ESR1: variants seen among roughly 807,000 people sequenced by gnomAD.
ESR1 encodes estrogen receptor.
Under a neutral mutation model 52.7 loss-of-function variants are expected in ESR1, and 12 were observed. The observed-to-expected ratio is 0.23, with a 90% CI of 0.15 to 0.37. ESR1 has a LOEUF of 0.37. ESR1 is among the 10% of genes least tolerant of loss of function. The pLI, the probability that ESR1 is intolerant of heterozygous loss-of-function variation, is 1.00. For synonymous variants in ESR1, 305 were observed against 316.8 expected (o/e 0.96, Z 0.39); for missense variants, 584 against 779.7 (o/e 0.75, Z 2.99).
rs554320059 is a variant in ESR1, at chr6:152,116,519, G to A, written c.851-8747G>A. On this transcript the variant is annotated intron_variant, in intron 6 of 6. Transcript: ENST00000427531. ...AGGCCTAGAAAGGTAACATAAAAGC[G>A]GGAGATGATGTAGAGAGAGTAGATA... Among the ~76,000 whole-genome samples the A allele has an allele frequency of 2.6e-5, 4 of 152,246 alleles. No homozygotes were observed. The South Asian group carries it at 6.2e-4, about 24-fold the overall frequency.
chr6:151,759,558 G>A (rs1233577142), intron 2 of ESR1, among the ~76,000 whole-genome samples: 1 of 152,104 alleles, frequency 6.6e-6, no homozygotes, highest in African/African-American at 2.4e-5. Flanking sequence ...AATAATTAGA[G>A]GCTCTTTACT....
intron 3 of ESR1, among the ~76,000 whole-genome samples, chr6:151,919,517 A>T (rs867472222): frequency 1.3e-5 from 2 of 152,186 alleles, no homozygotes; most frequent in African/African-American, 4.8e-5. Flanking sequence ...ATTCACACAT[A>T]CATCTATCAT....
Position 151,831,214 on chromosome 6 carries a change from C to T in ESR1, c.453-11383C>T, listed in dbSNP as rs866290317. ...CTGGAGTGCAGTGGCACAGTCACAG[C>T]TCACTGCAGCCTTGACCTCCTGGGC... On this transcript the variant is annotated intron_variant, in intron 1 of 7. Transcript: ENST00000206249. 3.3e-5 allele frequency among the ~76,000 whole-genome samples: 5 copies of T among 151,448 alleles called. No individual in the cohort carries two copies. In the East Asian group the frequency reaches 9.7e-4, roughly 29 times the overall value.
At chr6:151,789,795 G>A (rs891908613) in intron 2 of ESR1, among the ~76,000 whole-genome samples, 11 of 152,112 alleles carry the variant, frequency 7.2e-5, no homozygotes, top group Admixed American at 2.0e-4. Context: ...ATACAAGCCC[G>A]CTGCCTGCAG....
At chr6:151,884,441 T>A (rs185044031) in intron 3 of ESR1, among the ~76,000 whole-genome samples, 4 of 152,360 alleles carry the variant, frequency 2.6e-5, no homozygotes, top group Admixed American at 1.3e-4. Context: ...AACAATCCAC[T>A]TTCTTAACCA....
rs1041849136 is a variant in ESR1 at position 152,099,559 on chromosome 6, A to G, written c.*593A>G. The G allele has an allele frequency of 8.3e-6, 2 of 241,326 alleles. No homozygotes were observed. Among genetic ancestry groups the G allele is most frequent in the Non-Finnish European group, 1.6e-5 (2 of 123,148 alleles). The allele number at this position is 241,326 out of a possible 1,614,324, so 14.9% of individuals were successfully genotyped here. ...ATTGTCAATTCATTCCCCCTATAGG[A>G]ATACAAGGGGCACACAGGGAAGGCA... On this transcript the variant is annotated 3_prime_UTR_variant, in exon 8 of 8. Transcript: ENST00000206249.
At position 152,100,787 on chromosome 6, in the gene ESR1, A is replaced by AG. The variant is rs1765330726; in HGVS notation, c.*1822dup. On this transcript the variant is annotated 3_prime_UTR_variant, in exon 8 of 8. Coordinates refer to ENST00000206249, the MANE Select transcript of ESR1 (RefSeq NM_000125.4). The stretch of plus-strand genomic sequence containing the variant: ...TCTGGGAGGGCAAAAAAAAAAAAAA[A>AG]GTTTTTATGTGCACTTAAATTTGGG... The AG allele has an allele frequency of 4.4e-6, 1 of 227,520 alleles. No homozygotes were observed. The highest frequency in any genetic ancestry group is 2.2e-5 in the African/African-American group (1 of 44,710). 14.1% of individuals were successfully genotyped at this position (227,520 alleles called of 1,614,324 possible).
chr6:151,904,803 G>A (rs550754127), intron 3 of ESR1, among the ~76,000 whole-genome samples: 39 of 152,066 alleles, frequency 2.6e-4, no homozygotes, highest in African/African-American at 8.4e-4. Flanking sequence ...GAATTGATTC[G>A]TTTCACGTGG....
In ESR1 at chr6:152,053,119, T is replaced by G. The variant is rs933731259; in HGVS notation, c.1236-7872T>G. Among the ~76,000 whole-genome samples, 1 of 152,194 alleles carries G rather than the reference T, an allele frequency of 6.6e-6. No homozygotes were observed. Among genetic ancestry groups the G allele is most frequent in the Non-Finnish European group, 1.5e-5 (1 of 68,032 alleles). On this transcript the variant is annotated intron_variant, in intron 5 of 7. Transcript: ENST00000206249. This position sits in a 1 kb window ranked among gnomAD's most constrained non-coding sequence, Gnocchi z 4.1. ...GCATTCACATTTATTTCTTCTCATATCCTCGAGTTAGAAAAAGGTATTTCT... is the reference window on the plus strand; with the variant it reads ...GCATTCACATTTATTTCTTCTCATAGCCTCGAGTTAGAAAAAGGTATTTCT...
intron 6 of ESR1, among the ~76,000 whole-genome samples, chr6:152,086,200 A>T (rs796441650): frequency 6.6e-6 from 1 of 152,106 alleles, no homozygotes; most frequent in African/African-American, 2.4e-5. Flanking sequence ...CCTTGGGAAG[A>T]TAGTAACTGA....
At chr6:151,668,477 G>T (rs1777908598) in intron 1 of ESR1, among the ~76,000 whole-genome samples, 1 of 152,040 alleles carries the variant, frequency 6.6e-6, no homozygotes, top group Non-Finnish European at 1.5e-5. Context: ...TAGAGACGGG[G>T]TTTCACCGTG....
chr6:151,969,796 A>G (rs779855916), intron 4 of ESR1, among the ~76,000 whole-genome samples: 10 of 152,094 alleles, frequency 6.6e-5, no homozygotes, highest in South Asian at 2.1e-4. Flanking sequence ...ATGAAATTAA[A>G]CTACACTCAT....
chr6:151,758,912 T>A (rs182860486), intron 2 of ESR1, among the ~76,000 whole-genome samples: 277 of 152,080 alleles, frequency 1.8e-3, no homozygotes, highest in African/African-American at 6.5e-3. Flanking sequence ...CACAATGAGT[T>A]AAAATAAAAA....
At chr6:151,993,868 G>T (rs2128722152) in intron 4 of ESR1, among the ~76,000 whole-genome samples, 1 of 152,102 alleles carries the variant, frequency 6.6e-6, no homozygotes, top group African/African-American at 2.4e-5. Flanking sequence ...ACTTAATATG[G>T]TACTTAGTTT....
chr6:152,062,016 A>G (rs111876534), intron 6 of ESR1, among the ~76,000 whole-genome samples: 1 of 152,258 alleles, frequency 6.6e-6, no homozygotes, highest in Non-Finnish European at 1.5e-5. Flanking sequence ...TCATTCTCAC[A>G]TAGAAATCAT....
chr6:152,037,034 T>C (rs2045366571), intron 5 of ESR1, among the ~76,000 whole-genome samples: 1 of 152,248 alleles, frequency 6.6e-6, no homozygotes, highest in African/African-American at 2.4e-5. Context: ...TCCAGGATAA[T>C]GTATTGCAGT....
intron 4 of ESR1, among the ~76,000 whole-genome samples, chr6:151,971,175 C>T (rs1459126291): frequency 6.6e-6 from 1 of 152,138 alleles, no homozygotes. Flanking sequence ...ATAATGATGA[C>T]TGATTTTTAC....
At chr6:151,725,114 CTACTG>C (rs1781743684) in intron 2 of ESR1, among the ~76,000 whole-genome samples, 1 of 152,130 alleles carries the variant, frequency 6.6e-6, no homozygotes, top group Admixed American at 6.5e-5. Context: ...GGAATACTTT[CTACTG>C]TAGATTTATT....
upstream of ESR1, among the ~76,000 whole-genome samples, chr6:151,799,542 A>G (rs1315277035): frequency 6.6e-6 from 1 of 152,222 alleles, no homozygotes; most frequent in Non-Finnish European, 1.5e-5. Context: ...TTGGGGGCCA[A>G]CTACAACTAC....
Sources: allele counts gnomAD v4.1 joint callset (sites outside exome capture counted in the v4.1 genomes callset), GRCh38; gene constraint gnomAD v4.1.1; non-coding constraint Gnocchi (gnomAD v3.1); transcripts MANE v1.5; gene names NCBI Gene and HGNC (gene_info 2026-07-23, HGNC 2026-07-21).